Variants in IER3IP1 observed in about 807,000 individuals in gnomAD.
IER3IP1 encodes the protein immediate early response 3-interacting protein 1.
A neutral mutation model predicts 12.2 loss-of-function variants in IER3IP1; 16 were observed. The observed-to-expected ratio is 1.31, with a 90% CI of 0.89 to 1.99. The LOEUF (loss-of-function observed/expected upper bound fraction) is 1.99, where lower values mean the gene tolerates loss of function less well. Among genes scored for constraint, IER3IP1 ranks in the 30% most tolerant of loss-of-function variants. IER3IP1 has a pLI of 0.00. For synonymous variants in IER3IP1, 42 were observed against 40.0 expected, an observed-to-expected ratio of 1.05 and a Z score of -0.19; for missense variants, 95 against 95.8, an observed-to-expected ratio of 0.99 and a Z score of 0.03.
rs1390546025 is a variant in IER3IP1, at chr18:47,154,048, C to A, written c.*2129G>T. On this transcript the variant is annotated 3_prime_UTR_variant, in exon 3 of 3. Coordinates refer to ENST00000256433, the MANE Select transcript of IER3IP1 (RefSeq NM_016097.5). The stretch of plus-strand genomic sequence containing the variant: ...AATATCTACAGACTAGAGCCAAGAA[C>A]CTTCGCACAGTTCAGAGACATGCAA... 1 of 152,200 alleles carries A rather than the reference C, an allele frequency of 6.6e-6. No individual in the cohort carries two copies. The highest frequency in any genetic ancestry group is 1.5e-5 in the Non-Finnish European group (1 of 68,050). The allele number at this position is 152,200 out of a possible 1,614,324, so 9.4% of individuals were successfully genotyped here. A position where few individuals can be genotyped will look rare whatever the true frequency, so the allele number is the denominator to read the frequency against.
chr18:47,176,197 G>C lies in IER3IP1; in HGVS notation c.81C>G (p.Phe27Leu). The C allele has an allele frequency of 1.3e-6, 2 of 1,597,858 alleles. No homozygotes were observed. The highest frequency in any genetic ancestry group is 1.1e-5 in the South Asian group (1 of 88,490). ...CGCGGTCCCACTCACTGTTCTTGAG[G>C]AATCGCTCCTCGTGCAGCACTGCGA... ...NAIAVLHEER[F>L]LKNIGWGTDQ... Residue 27 changes from phenylalanine (F) to leucine (L), a missense_variant, in exon 1 of 3, where the codon TTC (phenylalanine) becomes TTG (leucine). Coordinates refer to ENST00000256433, the MANE Select transcript of IER3IP1 (RefSeq NM_016097.5).
intron 1 of IER3IP1, among the ~76,000 whole-genome samples, chr18:47,165,048 A>G (rs2063991773): frequency 6.6e-6 from 1 of 152,222 alleles, no homozygotes; most frequent in Non-Finnish European, 1.5e-5. Context: ...TTGAAGAAAA[A>G]GTACTAGTAA....
chr18:47,158,459 G>A (rs1186356264), intron 1 of IER3IP1, among the ~76,000 whole-genome samples: 4 of 151,986 alleles, frequency 2.6e-5, no homozygotes, highest in Admixed American at 2.6e-4. Context: ...CTCCCACCTC[G>A]GCCTCCCGAG....
chr18:47,163,514 A>G (rs2063986300), intron 1 of IER3IP1, among the ~76,000 whole-genome samples: 2 of 152,220 alleles, frequency 1.3e-5, no homozygotes, highest in Admixed American at 1.3e-4. Context: ...GATTGACTGC[A>G]TGTAACTGAA....
At chr18:47,168,630 A>G (rs943179888) in intron 1 of IER3IP1, among the ~76,000 whole-genome samples, 1 of 152,200 alleles carries the variant, frequency 6.6e-6, no homozygotes, top group African/African-American at 2.4e-5. Flanking sequence ...GCATTCCATT[A>G]TATGAATACA....
chr18:47,170,873 T>G (rs2064013232), intron 1 of IER3IP1, among the ~76,000 whole-genome samples: 1 of 152,154 alleles, frequency 6.6e-6, no homozygotes. Flanking sequence ...ATGTCTTTTC[T>G]TTTTTCTTGT....
intron 1 of IER3IP1, among the ~76,000 whole-genome samples, chr18:47,168,555 A>G (rs1383532253): frequency 6.6e-6 from 1 of 152,130 alleles, no homozygotes; most frequent in East Asian, 1.9e-4. Flanking sequence ...CTTTTGCTCA[A>G]ATTGTGTCAC....
intron 1 of IER3IP1, among the ~76,000 whole-genome samples, chr18:47,160,676 T>G (rs922720993): frequency 6.6e-6 from 1 of 152,198 alleles, no homozygotes; most frequent in Non-Finnish European, 1.5e-5. Context: ...GCTTTCAAGA[T>G]TTCAACATTC....
chr18:47,167,217 A>G (rs901615478), intron 1 of IER3IP1, among the ~76,000 whole-genome samples: 3 of 152,030 alleles, frequency 2.0e-5, no homozygotes, highest in East Asian at 3.9e-4. Flanking sequence ...AAGCCCGGCT[A>G]ATTTTTGTAC....
intron 1 of IER3IP1, among the ~76,000 whole-genome samples, chr18:47,166,794 G>T (rs2063997307): frequency 1.3e-5 from 2 of 151,822 alleles, no homozygotes; most frequent in African/African-American, 4.8e-5. Context: ...CAACAAGAAA[G>T]CACCTATATA....
chr18:47,166,477 TGAGTA>T (rs1193823924), intron 1 of IER3IP1, among the ~76,000 whole-genome samples: 6 of 152,038 alleles, frequency 3.9e-5, no homozygotes, highest in African/African-American at 7.2e-5. Context: ...AGGTCACTAA[TGAGTA>T]AAGGCTCAGC....
chr18:47,167,700 T>C (rs984258837), intron 1 of IER3IP1, among the ~76,000 whole-genome samples: 1 of 152,216 alleles, frequency 6.6e-6, no homozygotes, highest in Non-Finnish European at 1.5e-5. Flanking sequence ...AAGTTAACTG[T>C]CACTTATTAT....
intron 1 of IER3IP1, among the ~76,000 whole-genome samples, chr18:47,171,539 G>A (rs1232439790): frequency 6.6e-6 from 1 of 152,164 alleles, no homozygotes; most frequent in East Asian, 1.9e-4. Context: ...CTCTTTGTAT[G>A]TTATAGGTCT....
In IER3IP1 at chr18:47,153,421, T is replaced by C. The variant is rs1359793448; in HGVS notation, c.*2756A>G. 6.6e-6 allele frequency: 1 copy of C among 152,106 alleles called. No individual in the cohort carries two copies. Among genetic ancestry groups the C allele is most frequent in the Non-Finnish European group, 1.5e-5 (1 of 68,036 alleles). The allele number at this position is 152,106 out of a possible 1,614,324, so 9.4% of individuals were successfully genotyped here. A position where few individuals can be genotyped will look rare whatever the true frequency, so the allele number is the denominator to read the frequency against. The stretch of plus-strand genomic sequence containing the variant: ...TTATTTTTTTATATTTTTACTTTTT[T>C]AACTTTTAGGGGTACAGTACATTTG... On this transcript the variant is annotated 3_prime_UTR_variant, in exon 3 of 3. Transcript: ENST00000256433.
At chr18:47,161,712 G>A (rs1343631164) in intron 1 of IER3IP1, among the ~76,000 whole-genome samples, 2 of 152,100 alleles carry the variant, frequency 1.3e-5, no homozygotes, top group Admixed American at 6.5e-5. Context: ...GGGTTGGGGG[G>A]TGGTGGTGGT....
At chr18:47,174,269 C>G (rs765871276) in intron 1 of IER3IP1, among the ~76,000 whole-genome samples, 2 of 152,194 alleles carry the variant, frequency 1.3e-5, no homozygotes, top group Non-Finnish European at 2.9e-5. Flanking sequence ...CACTGGAAAA[C>G]AGAAACTCTC....
chr18:47,168,409 C>T (rs2064004169), intron 1 of IER3IP1, among the ~76,000 whole-genome samples: 1 of 151,886 alleles, frequency 6.6e-6, no homozygotes, highest in South Asian at 2.1e-4. Context: ...GAACATTATT[C>T]AGCCTGTAGC....
At chr18:47,169,077 A>C (rs1248774230) in intron 1 of IER3IP1, among the ~76,000 whole-genome samples, 1 of 152,178 alleles carries the variant, frequency 6.6e-6, no homozygotes, top group African/African-American at 2.4e-5. Context: ...CACTTCCCAC[A>C]ACCTCAGGCC....
intron 1 of IER3IP1, among the ~76,000 whole-genome samples, chr18:47,163,401 T>C (rs554039687): frequency 2.8e-4 from 43 of 152,310 alleles, no homozygotes; most frequent in South Asian, 1.2e-3. Context: ...TGGAATGGAA[T>C]AGGACGGTGC....
Sources: gnomAD v4.1 joint callset for allele counts (sites outside exome capture counted in the v4.1 genomes callset) on GRCh38, gnomAD v4.1.1 for gene constraint, MANE v1.5 for transcripts, NCBI Gene and HGNC (gene_info 2026-07-23, HGNC 2026-07-21) for gene names.